The following CRISPLD2 variants were observed in gnomAD, a reference collection of about 807,000 sequenced individuals.
The protein encoded by CRISPLD2 is cysteine-rich secretory protein LCCL domain-containing 2.
CRISPLD2 carries 47 observed loss-of-function variants against 71.1 expected under a neutral mutation model. The ratio of observed to expected loss-of-function variants is 0.66; its 90% CI spans 0.52 to 0.84. The LOEUF (loss-of-function observed/expected upper bound fraction) is 0.84, where lower values mean the gene tolerates loss of function less well. Among genes scored for constraint, CRISPLD2 ranks in the 40% least tolerant of loss-of-function variants. The pLI is 0.00. For synonymous variants in CRISPLD2, 317 were observed against 250.1 expected (o/e 1.27, Z -2.52); for missense variants, 830 against 651.1 (o/e 1.27, Z -2.99).
chr16:84,829,671 G>A (rs764476418), intron 1 of CRISPLD2, among the ~76,000 whole-genome samples: 6 of 152,244 alleles, frequency 3.9e-5, no homozygotes, highest in African/African-American at 9.6e-5. Context: ...GAGTCGCTGC[G>A]TGGACGACCC....
chr16:84,880,356 A>AGAAG (rs758688752), intron 12 of CRISPLD2, among the ~76,000 whole-genome samples, 153 bp from the exon 13 acceptor site: 76 of 151,984 alleles, frequency 5.0e-4, no homozygotes, highest in Non-Finnish European at 9.3e-4. Flanking sequence ...CTGAGGGGGG[A>AGAAG]GAAGTATTGT....
chr16:84,841,008 C>T (rs1025022386), intron 2 of CRISPLD2, among the ~76,000 whole-genome samples: 3 of 152,208 alleles, frequency 2.0e-5, no homozygotes, highest in African/African-American at 4.8e-5. Flanking sequence ...ATGAGGTCCC[C>T]GTCCACACGG....
In CRISPLD2 at chr16:84,870,331, T is replaced by C. The variant is rs188127187; in HGVS notation, c.914+1420T>C. ...CTGCCCATGTATTTTGTTTTTTTTT[T>C]TTCTTTGAGTTGGAGTCTTGCTCTG... On this transcript the variant is annotated intron_variant, in intron 8 of 14. Transcript: ENST00000262424. Among the ~76,000 whole-genome samples, 317 of 152,228 alleles carry C rather than the reference T, an allele frequency of 2.1e-3. 1 individual carries two copies. The highest frequency in any genetic ancestry group is 7.3e-3 in the African/African-American group (302 of 41,544).
At chr16:84,890,726 T>G (rs1042939929) in intron 14 of CRISPLD2, among the ~76,000 whole-genome samples, 11 of 151,060 alleles carry the variant, frequency 7.3e-5, no homozygotes. Flanking sequence ...ACCCGGGAGG[T>G]AGAGGCTGTA....
chr16:84,843,241 C>T (rs1447108956), intron 2 of CRISPLD2, among the ~76,000 whole-genome samples: 2 of 152,150 alleles, frequency 1.3e-5, no homozygotes, highest in African/African-American at 4.8e-5. Flanking sequence ...TGGCAGGGGC[C>T]CTGCCACTCA....
rs78766284 is a variant in CRISPLD2, at chr16:84,867,600, C to G, written c.853+560C>G. ...CTCTTTTTTGAGATGGAGTTTCGCT[C>G]TTGTCACCCAGGTTGGAGTCCAGTG... On this transcript the variant is annotated intron_variant, in intron 7 of 14. Transcript: ENST00000262424. Among the ~76,000 whole-genome samples, 748 of 152,320 alleles carry G rather than the reference C, an allele frequency of 4.9e-3. 44 individuals are homozygous for G. The East Asian group carries it at 0.13, about 27-fold the overall frequency.
At chr16:84,899,856 C>A (rs1347505496) in intron 14 of CRISPLD2, among the ~76,000 whole-genome samples, 1 of 152,094 alleles carries the variant, frequency 6.6e-6, no homozygotes, top group Non-Finnish European at 1.5e-5. Context: ...ATCTGCAGAC[C>A]CATAGTAAGT....
intron 2 of CRISPLD2, among the ~76,000 whole-genome samples, chr16:84,845,514 C>T (rs1337637956): frequency 2.6e-5 from 4 of 152,252 alleles, no homozygotes; most frequent in Non-Finnish European, 5.9e-5. Context: ...AGCATGGCCA[C>T]TCCTGTTTCA....
At chr16:84,871,047 ACT>A (rs2071464373) in intron 8 of CRISPLD2, among the ~76,000 whole-genome samples, 1 of 152,014 alleles carries the variant, frequency 6.6e-6, no homozygotes. Context: ...ACAGAATGAG[ACT>A]CTGTCTCAAA....
intron 7 of CRISPLD2, among the ~76,000 whole-genome samples, chr16:84,867,588 T>C (rs1917576234): frequency 6.6e-6 from 1 of 152,220 alleles, no homozygotes; most frequent in African/African-American, 2.4e-5. Flanking sequence ...TTTTTTGAGA[T>C]GGAGTTTCGC....
chr16:84,852,321 T>C (rs1258735206), intron 5 of CRISPLD2, among the ~76,000 whole-genome samples: 6 of 142,450 alleles, frequency 4.2e-5, no homozygotes, highest in African/African-American at 1.5e-4. Context: ...CAGATGGAGA[T>C]GGACAGTGTC....
chr16:84,904,749 A>G (rs1327796801), intron 14 of CRISPLD2, among the ~76,000 whole-genome samples: 1 of 152,222 alleles, frequency 6.6e-6, no homozygotes, highest in Non-Finnish European at 1.5e-5. Context: ...GGGCAATTAG[A>G]TATTTACAAG....
In CRISPLD2 at chr16:84,889,253, C is replaced by T. The variant is rs767050; in HGVS notation, c.1329C>T (p.Ala443=). 0.55 allele frequency: 894,362 copies of T among 1,613,536 alleles called. 251,731 individuals are homozygous for T. Among genetic ancestry groups the T allele is most frequent in the East Asian group, 0.82 (36,965 of 44,836 alleles). Reference sequence around the variant, plus strand: ...AGACCTCAAGCATCTGCAAGACAGCCGTGCACGCGGGAGTCATCAGCAACG... The same window carrying T: ...AGACCTCAAGCATCTGCAAGACAGCTGTGCACGCGGGAGTCATCAGCAACG... ...YADTSSICKT[A]VHAGVISNES... is the part of the protein sequence containing the mutation. The change falls in exon 14 of 15, where the codon GCC becomes GCT. Residue 443 remains alanine, a synonymous_variant. Coordinates refer to ENST00000262424, the MANE Select transcript of CRISPLD2 (RefSeq NM_031476.4).
chr16:84,906,894 CCT>C lies in CRISPLD2; in HGVS notation c.*258_*259del, dbSNP rs1270356987. 1.2e-4 allele frequency: 66 copies of C among 572,974 alleles called. No homozygotes were observed. The highest frequency in any genetic ancestry group is 8.4e-5 in the Non-Finnish European group (27 of 320,880). 35.5% of individuals were successfully genotyped at this position (572,974 alleles called of 1,614,324 possible). A position where few individuals can be genotyped will look rare whatever the true frequency, so the allele number is the denominator to read the frequency against. On this transcript the variant is annotated 3_prime_UTR_variant, in exon 15 of 15. Transcript: ENST00000262424. Reference sequence around the variant, plus strand: ...GGCCTGGGGGTCTCCATCTGGACGTCCTCTCTCCTTTAGAGATCTGAGCTGTC... The same window carrying C: ...GGCCTGGGGGTCTCCATCTGGACGTCCTCTCCTTTAGAGATCTGAGCTGTC...
chr16:84,889,129 C>A, intron 13 of CRISPLD2, 101 bp from the exon 14 acceptor site: 2 of 1,495,648 alleles, frequency 1.3e-6, no homozygotes, highest in Non-Finnish European at 1.8e-6. Context: ...GGTCCACATC[C>A]CACCAGCCAG....
chr16:84,849,549 T>A (rs374775251), intron 4 of CRISPLD2, 32 bp downstream of exon 4: 1 of 1,606,252 alleles, frequency 6.2e-7, no homozygotes, highest in South Asian at 1.1e-5. Flanking sequence ...ACCTCAGCCC[T>A]GCCCCCCAAT....
At position 84,886,930 on chromosome 16, in the gene CRISPLD2, C is replaced by G. The variant is rs187695105; in HGVS notation, c.1306-2300C>G. On this transcript the variant is annotated intron_variant, in intron 13 of 14. Coordinates refer to ENST00000262424, the MANE Select transcript of CRISPLD2 (RefSeq NM_031476.4). Reference sequence around the variant, plus strand: ...GGTTCGACCTCCAGAACTCTTTTGTCTTGCAAATCTGAAACCCTGTACCCA... The same window carrying G: ...GGTTCGACCTCCAGAACTCTTTTGTGTTGCAAATCTGAAACCCTGTACCCA... Among the ~76,000 whole-genome samples the G allele has an allele frequency of 2.7e-3, 418 of 152,336 alleles. 4 individuals are homozygous for G. Among genetic ancestry groups the G allele is most frequent in the African/African-American group, 9.8e-3 (408 of 41,572 alleles).
intron 13 of CRISPLD2, among the ~76,000 whole-genome samples, chr16:84,888,840 C>T (rs570706616): frequency 9.8e-5 from 15 of 152,326 alleles, no homozygotes; most frequent in African/African-American, 2.6e-4. Flanking sequence ...GAAGTAGCCC[C>T]CGCCACCCAG....
intron 5 of CRISPLD2, among the ~76,000 whole-genome samples, chr16:84,853,665 G>T (rs985159478): frequency 6.6e-6 from 1 of 152,164 alleles, no homozygotes; most frequent in African/African-American, 2.4e-5. Context: ...CACTGGCAGG[G>T]CCCCTCCCCA....
Sources: gnomAD v4.1 joint callset for allele counts (sites outside exome capture counted in the v4.1 genomes callset) on GRCh38, gnomAD v4.1.1 for gene constraint, MANE v1.5 for transcripts, NCBI Gene and HGNC (gene_info 2026-07-23, HGNC 2026-07-21) for gene names.